FHDC1: variants seen among roughly 807,000 people sequenced by gnomAD.
FHDC1 encodes the protein FH2 domain-containing protein 1.
A neutral mutation model predicts 52.6 loss-of-function variants in FHDC1; 25 were observed. That is an observed-to-expected ratio of 0.48 (90% CI 0.35 to 0.66). FHDC1 has a LOEUF of 0.66. Among genes scored for constraint, FHDC1 ranks in the 30% least tolerant of loss-of-function variants. The pLI is 0.01. For missense variants in FHDC1, 1,459 were observed against 1,452.8 expected (o/e 1.00, Z -0.07); for synonymous variants, 616 against 581.5 (o/e 1.06, Z -0.85).
chr4:152,922,706 C>T, the FHDC1 span, among the ~76,000 whole-genome samples: 42 of 151,894 alleles, frequency 2.8e-4, no homozygotes, highest in Middle Eastern at 3.4e-3. Flanking sequence ...GTTCAATATA[C>T]GCAAATCAAT....
the FHDC1 span, among the ~76,000 whole-genome samples, chr4:152,914,478 C>T: frequency 8.9e-3 from 1,354 of 152,244 alleles, 25 homozygotes; most frequent in African/African-American, 0.032. Context: ...GTCTGAGCAC[C>T]ATAACTCTAC....
chr4:152,977,579 A>C lies in FHDC1; in HGVS notation c.*856A>C, dbSNP rs1308987919. ...CACCTCAGCCTCCCTCAGAGCTGGG[A>C]CTACAGGCGTGCACCACCACGCCTG... On this transcript the variant is annotated 3_prime_UTR_variant, in exon 12 of 12. Coordinates refer to ENST00000511601, the MANE Select transcript of FHDC1 (RefSeq NM_001371116.1). The C allele has an allele frequency of 6.6e-6, 1 of 152,012 alleles. No individual in the cohort carries two copies. Among genetic ancestry groups the C allele is most frequent in the Non-Finnish European group, 1.5e-5 (1 of 68,044 alleles). The allele number at this position is 152,012 out of a possible 1,614,324, so 9.4% of individuals were successfully genotyped here.
chr4:152,917,653 A>G, the FHDC1 span, among the ~76,000 whole-genome samples: 2 of 151,084 alleles, frequency 1.3e-5, no homozygotes. Context: ...AATGGTTACT[A>G]TATAATCACT....
Position 152,943,234 on chromosome 4 carries a change from T to G in FHDC1, c.177T>G (p.Pro59=). 3 of 1,107,200 alleles carry G rather than the reference T, an allele frequency of 2.7e-6. No individual in the cohort carries two copies. Among genetic ancestry groups the G allele is most frequent in the Non-Finnish European group, 3.6e-6 (3 of 826,928 alleles). The allele number at this position is 1,107,200 out of a possible 1,614,324, so 68.6% of individuals were successfully genotyped here. Reference sequence around the variant, plus strand: ...GGGAAGAGTGTCCTTCCTCCCCTCCTCCACCCCCACCACCTCCACTTCCTG... The same window carrying G: ...GGGAAGAGTGTCCTTCCTCCCCTCCGCCACCCCCACCACCTCCACTTCCTG... ...CSREECPSSP[P]PPPPPPLPGE... is the part of the protein sequence containing the mutation. Residue 59 remains proline, a synonymous_variant, in exon 2 of 12, where the codon CCT becomes CCG. Transcript: ENST00000511601.
rs778728298 is a variant in FHDC1 at position 152,943,375 on chromosome 4, G to A, written c.318G>A (p.Pro106=). 51 of 1,612,452 alleles carry A rather than the reference G, an allele frequency of 3.2e-5. No homozygotes were observed. Among genetic ancestry groups the A allele is most frequent in the Non-Finnish European group, 3.7e-5 (44 of 1,179,910 alleles). Residue 106 remains proline, a synonymous_variant, in exon 2 of 12, where the codon CCG becomes CCA. Coordinates refer to ENST00000511601, the MANE Select transcript of FHDC1 (RefSeq NM_001371116.1). Reference sequence around the variant, plus strand: ...GAAGCTTTTTTTGGAAAACTATTCCGGAGGAGCAAGTTCGAGGCAAAACCA... The same window carrying A: ...GAAGCTTTTTTTGGAAAACTATTCCAGAGGAGCAAGTTCGAGGCAAAACCA... ...RMRSFFWKTI[P]EEQVRGKTNI...
intron 2 of FHDC1, 84 bp from the exon 3 acceptor site, chr4:152,953,415 T>G: frequency 9.3e-7 from 1 of 1,079,372 alleles, no homozygotes; most frequent in Non-Finnish European, 1.4e-6. Flanking sequence ...TAGTGTTGCA[T>G]TTTGATCGGT....
At chr4:152,927,694 T>G in the FHDC1 span, 1 of 1,549,554 alleles carries the variant, frequency 6.5e-7, no homozygotes, top group Admixed American at 1.7e-5. Context: ...GAGGCTTAGA[T>G]GAAGATGAGA....
intron 2 of FHDC1, among the ~76,000 whole-genome samples, chr4:152,945,376 A>T (rs988857734): frequency 2.0e-5 from 3 of 152,174 alleles, no homozygotes; most frequent in African/African-American, 7.2e-5. Flanking sequence ...ATTTTTTAAG[A>T]ATTATGTTTT....
chr4:152,915,954 G>T, the FHDC1 span, among the ~76,000 whole-genome samples: 4 of 152,052 alleles, frequency 2.6e-5, no homozygotes, highest in Admixed American at 6.6e-5. Flanking sequence ...ACAGTATCAC[G>T]TATTTCTGCT....
Position 152,953,115 on chromosome 4 carries a change from C to T in FHDC1, c.499-384C>T, listed in dbSNP as rs374772790. 2.3e-4 allele frequency among the ~76,000 whole-genome samples: 35 copies of T among 151,608 alleles called. No homozygotes were observed. In the East Asian group the frequency reaches 3.5e-3, roughly 15 times the overall value. Reference sequence around the variant, plus strand: ...TGCCACTGCACTCCAGCCTGGGCAACGGAGCGAGACTCTGTCTCCAAAAAA... The same window carrying T: ...TGCCACTGCACTCCAGCCTGGGCAATGGAGCGAGACTCTGTCTCCAAAAAA... On this transcript the variant is annotated intron_variant, in intron 2 of 11. Transcript: ENST00000511601.
intron 2 of FHDC1, among the ~76,000 whole-genome samples, chr4:152,945,110 C>T (rs1234044628): frequency 3.9e-5 from 6 of 152,058 alleles, no homozygotes; most frequent in African/African-American, 1.4e-4. Context: ...TAGGTGGCAT[C>T]GTTTGTGAAT....
chr4:152,972,640 T>C (rs1740674019), intron 11 of FHDC1, 99 bp downstream of exon 11: 3 of 1,373,162 alleles, frequency 2.2e-6, no homozygotes. Flanking sequence ...ACTTTGCATC[T>C]CCACGGTTTC....
chr4:152,942,094 T>A lies in FHDC1; in HGVS notation c.-130-834T>A, dbSNP rs188090617. Among the ~76,000 whole-genome samples the A allele has an allele frequency of 1.1e-4, 16 of 152,300 alleles. No individual in the cohort carries two copies. The East Asian group carries it at 2.9e-3, about 28-fold the overall frequency. ...CTGTGTATAAGGGACATGTGGCAGA[T>A]GTGACATGGGCAGCGTGTCCTTGGG... On this transcript the variant is annotated intron_variant, in intron 1 of 11. Coordinates refer to ENST00000511601, the MANE Select transcript of FHDC1 (RefSeq NM_001371116.1).
In FHDC1 at chr4:152,975,597, C is replaced by T. The variant is rs1041654990; in HGVS notation, c.2306C>T (p.Pro769Leu). ...SSDPENKDPR[P>L]LFCISDTTDC... ...GACCCTGAGAACAAAGATCCTAGAC[C>T]TCTGTTCTGCATCTCGGACACCACC... Residue 769 changes from proline to leucine, a missense_variant, in exon 12 of 12, where the codon CCT (proline) becomes CTT (leucine). Coordinates refer to ENST00000511601, the MANE Select transcript of FHDC1 (RefSeq NM_001371116.1). The T allele has an allele frequency of 5.0e-5, 80 of 1,613,516 alleles. No individual in the cohort carries two copies. The highest frequency in any genetic ancestry group is 6.0e-5 in the Non-Finnish European group (71 of 1,180,040).
chr4:152,920,222 C>T, the FHDC1 span, among the ~76,000 whole-genome samples: 1 of 152,034 alleles, frequency 6.6e-6, no homozygotes, highest in African/African-American at 2.4e-5. Flanking sequence ...GCTGGGATTA[C>T]ATGCGTGAGC....
chr4:152,918,198 C>T, the FHDC1 span, among the ~76,000 whole-genome samples: 3 of 152,186 alleles, frequency 2.0e-5, no homozygotes, highest in African/African-American at 4.8e-5. Context: ...TCCCCAAACA[C>T]AAGTAGCTTC....
upstream of FHDC1, among the ~76,000 whole-genome samples, chr4:152,932,398 T>C (rs563565616): frequency 2.5e-5 from 3 of 118,298 alleles, no homozygotes; most frequent in Non-Finnish European, 5.6e-5. Context: ...TGAGACTCTA[T>C]CTCAAAAAAA....
chr4:152,957,576 C>T (rs540006832), intron 4 of FHDC1, among the ~76,000 whole-genome samples: 56 of 152,294 alleles, frequency 3.7e-4, no homozygotes, highest in Non-Finnish European at 6.3e-4. Flanking sequence ...GTCAAAACCC[C>T]GCCTCGCGCT....
rs1282926319 is a variant in FHDC1 at position 152,963,765 on chromosome 4, CTTTGTTTTTTTTT to C, written c.1029+639_1029+651del. On this transcript the variant is annotated intron_variant, in intron 8 of 11. Coordinates refer to ENST00000511601, the MANE Select transcript of FHDC1 (RefSeq NM_001371116.1). ...GTTTGGAGTCTGATCCTATCCATTG[CTTTGTTTTTTTTT>C]TTTTTTTTTTTTTTTTTTTTTTTTT... Among the ~76,000 whole-genome samples, 139 of 50,914 alleles carry C rather than the reference CTTTGTTTTTTTTT, an allele frequency of 2.7e-3. 1 individual carries two copies. Among genetic ancestry groups the C allele is most frequent in the African/African-American group, 9.0e-3 (126 of 14,008 alleles). The allele number at this position is 50,914 out of a possible 152,430, so 33.4% of individuals were successfully genotyped here. A position where few individuals can be genotyped will look rare whatever the true frequency, so the allele number is the denominator to read the frequency against.
Sources: allele counts gnomAD v4.1 joint callset (sites outside exome capture counted in the v4.1 genomes callset), GRCh38; gene constraint gnomAD v4.1.1; transcripts MANE v1.5; gene names NCBI Gene and HGNC (gene_info 2026-07-23, HGNC 2026-07-21).